The following TTC28 variants were observed in gnomAD, a reference collection of about 807,000 sequenced individuals.
TTC28 encodes tetratricopeptide repeat domain 28, also known as tetratricopeptide repeat protein 28.
TTC28 carries 61 observed loss-of-function variants against 198.0 expected under a neutral mutation model. The observed-to-expected ratio is 0.31, with a 90% CI of 0.25 to 0.38. The LOEUF (loss-of-function observed/expected upper bound fraction) is 0.38, where lower values mean the gene tolerates loss of function less well. Among genes scored for constraint, TTC28 ranks in the 10% least tolerant of loss-of-function variants. The pLI is 1.00. For synonymous variants in TTC28, 1,171 were observed against 1,297.8 expected, an observed-to-expected ratio of 0.90 and a Z score of 2.10; for missense variants, 2,678 against 3,164.0, an observed-to-expected ratio of 0.85 and a Z score of 3.69.
At chr22:28,153,551 T>C (rs948530483) in intron 6 of TTC28, among the ~76,000 whole-genome samples, 9 of 151,988 alleles carry the variant, frequency 5.9e-5, no homozygotes, top group Non-Finnish European at 1.5e-5. Context: ...TATAAACATG[T>C]GACACTGAGT....
chr22:28,386,013 A>C lies in TTC28; in HGVS notation c.382-79370T>G, dbSNP rs370074362. Reference sequence around the variant, plus strand: ...TTCACCAGGCCGGGCGCGGTGGCTCACGCCTGTAATCCCAGCACTTTGGGA... The same window carrying C: ...TTCACCAGGCCGGGCGCGGTGGCTCCCGCCTGTAATCCCAGCACTTTGGGA... On this transcript the variant is annotated intron_variant, in intron 2 of 22. Transcript: ENST00000397906. Among the ~76,000 whole-genome samples the C allele has an allele frequency of 2.1e-3, 326 of 151,940 alleles. 3 individuals are homozygous for C. Among genetic ancestry groups the C allele is most frequent in the Middle Eastern group, 0.01 (3 of 290 alleles).
chr22:28,524,866 T>C (rs1288675375), intron 2 of TTC28, among the ~76,000 whole-genome samples: 4 of 152,196 alleles, frequency 2.6e-5, no homozygotes. Context: ...TTACATATCA[T>C]TGACCACAAA....
At chr22:28,591,036 CACACATATATATATATATATATATATAT>C (rs1443062486) in intron 2 of TTC28, among the ~76,000 whole-genome samples, 19 of 29,302 alleles carry the variant, frequency 6.5e-4, no homozygotes, top group African/African-American at 2.7e-3. Context: ...CACACACACA[CACACATATATATATATATATATATATAT>C]ATATATATAT....
chr22:28,210,081 T>C (rs531495505), intron 5 of TTC28, among the ~76,000 whole-genome samples: 2 of 152,272 alleles, frequency 1.3e-5, no homozygotes, highest in South Asian at 2.1e-4. Flanking sequence ...GGGTCCTCAG[T>C]GTTAGAAGGC....
chr22:28,107,410 A>G lies in TTC28; in HGVS notation c.2435T>C (p.Met812Thr). ...AVYMALGKYT[M>T]AFKCYEEQLD... Reference sequence around the variant, plus strand: ...TTGCTCTTCATAACACTTGAATGCCATTGTGTATTTCCCAAGGGCCATGTA... The same window carrying G: ...TTGCTCTTCATAACACTTGAATGCCGTTGTGTATTTCCCAAGGGCCATGTA... Residue 812 changes from methionine (M) to threonine (T), a missense_variant, in exon 7 of 23, where the codon ATG becomes ACG. Coordinates refer to ENST00000397906, the MANE Select transcript of TTC28 (RefSeq NM_001145418.2). The G allele has an allele frequency of 6.4e-7, 1 of 1,551,644 alleles. No homozygotes were observed. The highest frequency in any genetic ancestry group is 8.7e-7 in the Non-Finnish European group (1 of 1,146,996).
intron 6 of TTC28, among the ~76,000 whole-genome samples, chr22:28,118,617 C>T (rs1278515619): frequency 1.3e-5 from 2 of 152,132 alleles, no homozygotes; most frequent in Non-Finnish European, 2.9e-5. Flanking sequence ...CTATATACCA[C>T]GTAGCCTAAG....
chr22:28,674,804 G>A (rs576374758), intron 1 of TTC28, among the ~76,000 whole-genome samples: 2 of 138,690 alleles, frequency 1.4e-5, no homozygotes, highest in Non-Finnish European at 1.5e-5. Context: ...GGGCGATGGC[G>A]AGACTCTGTC....
intron 2 of TTC28, among the ~76,000 whole-genome samples, chr22:28,398,772 AC>A (rs2046855476): frequency 6.6e-6 from 1 of 152,130 alleles, no homozygotes; most frequent in Admixed American, 6.5e-5. Context: ...TTTGGAACCT[AC>A]CCCCCAAATA....
chr22:28,566,992 G>A (rs1392743207), intron 2 of TTC28, among the ~76,000 whole-genome samples: 6 of 151,990 alleles, frequency 3.9e-5, no homozygotes, highest in Admixed American at 2.0e-4. Flanking sequence ...CAAGGCTGGC[G>A]GATCATGAGG....
intron 12 of TTC28, among the ~76,000 whole-genome samples, chr22:28,068,848 C>G (rs1450336416): frequency 6.6e-6 from 1 of 152,158 alleles, no homozygotes; most frequent in Non-Finnish European, 1.5e-5. Context: ...AGCCAAAGGA[C>G]TTCTATTTCT....
chr22:27,990,423 G>A (rs963942900), intron 20 of TTC28, among the ~76,000 whole-genome samples: 2 of 152,178 alleles, frequency 1.3e-5, no homozygotes, highest in African/African-American at 2.4e-5. Flanking sequence ...CTCACAGCTC[G>A]AGGAATTACC....
intron 2 of TTC28, among the ~76,000 whole-genome samples, chr22:28,564,727 T>C (rs911730995): frequency 1.3e-5 from 2 of 151,312 alleles, no homozygotes; most frequent in Admixed American, 6.6e-5. Flanking sequence ...CCCAGATCAT[T>C]CTGATCCCTC....
chr22:28,588,758 A>G (rs1172970629), intron 2 of TTC28, among the ~76,000 whole-genome samples: 2 of 152,240 alleles, frequency 1.3e-5, no homozygotes, highest in Admixed American at 6.5e-5. Flanking sequence ...GTCCACAGAC[A>G]GTCAATATTC....
chr22:28,511,680 T>C (rs2048690416), intron 2 of TTC28, among the ~76,000 whole-genome samples: 1 of 152,054 alleles, frequency 6.6e-6, no homozygotes, highest in Non-Finnish European at 1.5e-5. Context: ...TAGCCAGGCA[T>C]GGTAGCACAC....
At chr22:28,310,508 T>C (rs1433141411) in intron 2 of TTC28, among the ~76,000 whole-genome samples, 2 of 152,198 alleles carry the variant, frequency 1.3e-5, no homozygotes, top group African/African-American at 2.4e-5. Context: ...TAGTCTTTAC[T>C]TTCAACACAT....
chr22:28,487,301 G>T (rs1336485118), intron 2 of TTC28, among the ~76,000 whole-genome samples: 1 of 151,330 alleles, frequency 6.6e-6, no homozygotes, highest in Admixed American at 6.6e-5. Context: ...ATATCATAAA[G>T]AATACATTTT....
chr22:28,105,270 T>C lies in TTC28; in HGVS notation c.3307+9A>G. 1 of 1,548,868 alleles carries C rather than the reference T, an allele frequency of 6.5e-7. No individual in the cohort carries two copies. The highest frequency in any genetic ancestry group is 1.2e-5 in the South Asian group (1 of 83,768). On this transcript the variant is annotated intron_variant, in intron 8 of 22. Coordinates refer to ENST00000397906, the MANE Select transcript of TTC28 (RefSeq NM_001145418.2). The stretch of plus-strand genomic sequence containing the variant: ...AGGCCAAGAGAACACAATGGGCCTT[T>C]TCACCTACCTTCCTGTAAGTACATG...
chr22:28,188,432 T>C (rs1371427892), intron 5 of TTC28, among the ~76,000 whole-genome samples: 1 of 152,110 alleles, frequency 6.6e-6, no homozygotes, highest in Non-Finnish European at 1.5e-5. Flanking sequence ...ATTGAGGCAC[T>C]AAGGGCTTCT....
chr22:28,487,300 A>C (rs1169485494), intron 2 of TTC28, among the ~76,000 whole-genome samples: 1 of 152,036 alleles, frequency 6.6e-6, no homozygotes, highest in Non-Finnish European at 1.5e-5. Context: ...AATATCATAA[A>C]GAATACATTT....
Sources: gnomAD v4.1 joint callset for allele counts (sites outside exome capture counted in the v4.1 genomes callset) on GRCh38, gnomAD v4.1.1 for gene constraint, MANE v1.5 for transcripts, NCBI Gene and HGNC (gene_info 2026-07-23, HGNC 2026-07-21) for gene names.